FSD1L: variants seen among roughly 807,000 people sequenced by gnomAD.
FSD1L encodes the protein FSD1-like protein.
A neutral mutation model predicts 71.6 loss-of-function variants in FSD1L; 45 were observed. That is an observed-to-expected ratio of 0.63 (90% confidence interval 0.49 to 0.81). The LOEUF is 0.81. Ranked by LOEUF, FSD1L falls within the 30% of genes least tolerant of loss-of-function variation. The pLI is 0.00. For missense variants in FSD1L, 561 were observed against 618.1 expected (o/e 0.91, Z 0.98); for synonymous variants, 197 against 207.2 (o/e 0.95, Z 0.42).
At chr9:105,539,175 A>G (rs1836451193) in intron 12 of FSD1L, 88 bp from the exon 13 acceptor site, 1 of 652,078 alleles carries the variant, frequency 1.5e-6, no homozygotes, top group South Asian at 1.9e-5. Context: ...CTTATATATT[A>G]TTACTTTTTG....
At chr9:105,444,711 A>G (rs1215110773), upstream of FSD1L, among the ~76,000 whole-genome samples, 3 of 152,244 alleles carry the variant, frequency 2.0e-5, no homozygotes, top group Non-Finnish European at 4.4e-5. Flanking sequence ...GTCTATGACT[A>G]GATAGGCTTT....
At chr9:105,447,448 A>C (rs567125303), upstream of FSD1L, among the ~76,000 whole-genome samples, 34 of 152,122 alleles carry the variant, frequency 2.2e-4, no homozygotes, top group Admixed American at 2.0e-3. Flanking sequence ...CATTTTACAG[A>C]TGAAACAAGC....
chr9:105,531,728 A>G (rs1434238454), intron 10 of FSD1L, among the ~76,000 whole-genome samples: 2 of 102,888 alleles, frequency 1.9e-5, no homozygotes, highest in Non-Finnish European at 4.4e-5. Flanking sequence ...CTCTGCACTC[A>G]TTTTTTCTGG....
Position 105,484,361 on chromosome 9 carries a change from T to G in FSD1L, c.465-20T>G, listed in dbSNP as rs1832399558. On this transcript the variant is annotated intron_variant, in intron 6 of 13. Transcript: ENST00000481272. ...CTTCCTATTTCTTTATTTTAAAAAG[T>G]ATGTTTGTGTTTACCGTAGAGTCAC... 1.4e-6 allele frequency: 2 copies of G among 1,452,038 alleles called. No homozygotes were observed. Among genetic ancestry groups the G allele is most frequent in the African/African-American group, 3.0e-5 (2 of 67,468 alleles). The allele number at this position is 1,452,038 out of a possible 1,614,324, so 89.9% of individuals were successfully genotyped here. A position where few individuals can be genotyped will look rare whatever the true frequency, so the allele number is the denominator to read the frequency against.
upstream of FSD1L, among the ~76,000 whole-genome samples, chr9:105,444,425 T>A (rs948809114): frequency 6.6e-6 from 1 of 152,200 alleles, no homozygotes; most frequent in Non-Finnish European, 1.5e-5. Flanking sequence ...GCTGACTCCA[T>A]GCTGATGGCC....
chr9:105,509,083 T>C (rs904721864), intron 9 of FSD1L, among the ~76,000 whole-genome samples: 4 of 152,230 alleles, frequency 2.6e-5, no homozygotes, highest in African/African-American at 9.6e-5. Context: ...TTAGTTCAGG[T>C]CCTCTCTGTT....
rs1589124270 is a variant in FSD1L at position 105,546,632 on chromosome 9, G to A, written c.*149G>A. 8.9e-6 allele frequency: 6 copies of A among 672,922 alleles called. No individual in the cohort carries two copies. The East Asian group carries it at 1.3e-4, about 14-fold the overall frequency. The allele number at this position is 672,922 out of a possible 1,614,324, so 41.7% of individuals were successfully genotyped here. On this transcript the variant is annotated 3_prime_UTR_variant, in exon 14 of 14. Transcript: ENST00000481272. ...TCTTTTATCATTAAACACCTAGTACGAAGCATTTGCAGGAACCTACTGTGC... is the reference window on the plus strand; with the variant it reads ...TCTTTTATCATTAAACACCTAGTACAAAGCATTTGCAGGAACCTACTGTGC...
In FSD1L at chr9:105,547,628, A is replaced by C. The variant is rs1003898227; in HGVS notation, c.*1145A>C. ...TTTTGCTACATTCACTTTCTTTTCAAAGAAATGTTAATTATTACAAAAATT... is the reference window on the plus strand; with the variant it reads ...TTTTGCTACATTCACTTTCTTTTCACAGAAATGTTAATTATTACAAAAATT... On this transcript the variant is annotated 3_prime_UTR_variant, in exon 14 of 14. Coordinates refer to ENST00000481272, the MANE Select transcript of FSD1L (RefSeq NM_001145313.3). 8 of 152,094 alleles carry C rather than the reference A, an allele frequency of 5.3e-5. No individual in the cohort carries two copies. The highest frequency in any genetic ancestry group is 1.9e-4 in the African/African-American group (8 of 41,444). 9.4% of individuals were successfully genotyped at this position (152,094 alleles called of 1,614,324 possible).
chr9:105,501,640 C>T (rs1589027695), intron 7 of FSD1L, among the ~76,000 whole-genome samples: 1 of 147,572 alleles, frequency 6.8e-6, no homozygotes, highest in Non-Finnish European at 1.5e-5. Context: ...CACTGTGTTG[C>T]TCAGGCTGGT....
At chr9:105,478,269 G>C (rs1023049375) in intron 5 of FSD1L, among the ~76,000 whole-genome samples, 3 of 152,036 alleles carry the variant, frequency 2.0e-5, no homozygotes, top group Admixed American at 6.6e-5. Context: ...TGAGTTCTGT[G>C]TTTTTGAGTA....
intron 9 of FSD1L, among the ~76,000 whole-genome samples, chr9:105,510,954 A>G (rs1241171827): frequency 2.0e-5 from 3 of 151,620 alleles, no homozygotes; most frequent in East Asian, 3.9e-4. Flanking sequence ...TATAGGACTT[A>G]TACAAGAGAT....
chr9:105,525,891 C>T (rs751236403), intron 10 of FSD1L: 60 of 1,561,142 alleles, frequency 3.8e-5, no homozygotes, highest in Non-Finnish European at 4.9e-5. Flanking sequence ...TAATATTTCA[C>T]ATGTCAACAA....
chr9:105,494,984 G>A (rs191691743), intron 7 of FSD1L, among the ~76,000 whole-genome samples: 114 of 152,294 alleles, frequency 7.5e-4, no homozygotes, highest in African/African-American at 2.4e-3. Flanking sequence ...CTGTCTGCCT[G>A]TTCTCAGATC....
At chr9:105,465,975 G>A (rs965370889) in intron 3 of FSD1L, among the ~76,000 whole-genome samples, 1 of 150,132 alleles carries the variant, frequency 6.7e-6, no homozygotes, top group Non-Finnish European at 1.5e-5. Context: ...AGGTTCAAGC[G>A]ATTCTCCTGC....
intron 7 of FSD1L, among the ~76,000 whole-genome samples, chr9:105,498,820 C>T (rs774960762): frequency 4.6e-5 from 7 of 152,074 alleles, no homozygotes; most frequent in Non-Finnish European, 4.4e-5. Context: ...GATGGGGTTT[C>T]GCCATGTTGG....
intron 7 of FSD1L, among the ~76,000 whole-genome samples, chr9:105,490,420 AGT>A (rs1284553022): frequency 6.6e-6 from 1 of 152,066 alleles, no homozygotes; most frequent in Non-Finnish European, 1.5e-5. Context: ...TTGTCAGATG[AGT>A]AGGTTGCGAA....
intron 11 of FSD1L, 74 bp from the exon 12 acceptor site, chr9:105,534,993 G>A: frequency 6.9e-7 from 1 of 1,442,732 alleles, no homozygotes; most frequent in African/African-American, 1.4e-5. Context: ...TCTTTTTTTG[G>A]GACGAGTGGT....
At chr9:105,541,239 T>C (rs1836589951) in intron 13 of FSD1L, among the ~76,000 whole-genome samples, 1 of 151,880 alleles carries the variant, frequency 6.6e-6, no homozygotes, top group Non-Finnish European at 1.5e-5. Context: ...ACTAAAGTTA[T>C]TGCTCATGGA....
chr9:105,445,706 C>T (rs1829627168), upstream of FSD1L, among the ~76,000 whole-genome samples: 2 of 152,164 alleles, frequency 1.3e-5, no homozygotes, highest in African/African-American at 4.8e-5. Context: ...ATTTCTCCCT[C>T]ATGGGAAACT....
Sources: allele counts gnomAD v4.1 joint callset (sites outside exome capture counted in the v4.1 genomes callset), GRCh38; gene constraint gnomAD v4.1.1; transcripts MANE v1.5; gene names NCBI Gene and HGNC (gene_info 2026-07-23, HGNC 2026-07-21).